Variants in CYP20A1 observed in about 807,000 individuals in gnomAD.
CYP20A1 encodes the protein cytochrome P450 family 20 subfamily A member 1.
Under a neutral mutation model 61.4 loss-of-function variants are expected in CYP20A1, and 61 were observed. That is an observed-to-expected ratio of 0.99 (90% CI 0.81 to 1.23). CYP20A1 has a LOEUF of 1.23. Ranked by LOEUF, CYP20A1 falls within the 50% of genes most tolerant of loss-of-function variation. The probability of loss-of-function intolerance (pLI) is 0.00; values close to 1 mark genes in which losing one functional copy is unlikely to be tolerated. For missense variants in CYP20A1, 530 were observed against 542.4 expected, an observed-to-expected ratio of 0.98 and a Z score of 0.23; for synonymous variants, 193 against 188.2, an observed-to-expected ratio of 1.03 and a Z score of -0.21.
At position 203,296,485 on chromosome 2, in the gene CYP20A1, A is replaced by T; in HGVS notation, c.1160A>T (p.Asp387Val). 1 of 1,610,972 alleles carries T rather than the reference A, an allele frequency of 6.2e-7. No homozygotes were observed. The highest frequency in any genetic ancestry group is 8.5e-7 in the Non-Finnish European group (1 of 1,178,256). ...AATTTTCTTTGTAGGTTTGATCCAG[A>T]TCGGTTTGATGATGAATTAGTAATG... is the stretch of plus-strand genomic sequence containing the variant. ...TWPSPHKFDPDRFDDELVMKT... is the reference protein window; with the variant it reads ...TWPSPHKFDPVRFDDELVMKT... Residue 387 changes from aspartate to valine, a missense_variant, in exon 12 of 13, where the codon GAT becomes GTT. Physicochemically the swap from Asp to Val is radical, Grantham distance 152. Transcript: ENST00000356079.
At chr2:203,275,349 G>GA (rs1447471976) in intron 6 of CYP20A1, among the ~76,000 whole-genome samples, 5 of 152,018 alleles carry the variant, frequency 3.3e-5, no homozygotes, top group Admixed American at 6.6e-5. Context: ...ACTGTTGTTT[G>GA]AAAAAACTTC....
rs562553997 is a variant in CYP20A1, at chr2:203,261,603, C to T, written c.433-4911C>T. Among the ~76,000 whole-genome samples, 76 of 37,952 alleles carry T rather than the reference C, an allele frequency of 2.0e-3. 1 individual carries two copies. The highest frequency in any genetic ancestry group is 5.6e-3 in the African/African-American group (74 of 13,258). 24.9% of individuals were successfully genotyped at this position (37,952 alleles called of 152,430 possible). Reference sequence around the variant, plus strand: ...CTGTAGCTCCTGGGCTCCTTTGTCACCTAAAAAAAAAAAAAAAAAAAAGGA... The same window carrying T: ...CTGTAGCTCCTGGGCTCCTTTGTCATCTAAAAAAAAAAAAAAAAAAAAGGA... On this transcript the variant is annotated intron_variant, in intron 4 of 12. Coordinates refer to ENST00000356079, the MANE Select transcript of CYP20A1 (RefSeq NM_177538.3).
chr2:203,305,874 A>G lies in CYP20A1; in HGVS notation c.*8966A>G, dbSNP rs774956687. ...TTTAAAAAAATTCAGAAGCCAAGCT[A>G]TCCATAAAGCTACTTTGTGATGTGC... On this transcript the variant is annotated 3_prime_UTR_variant, in exon 13 of 13. Coordinates refer to ENST00000356079, the MANE Select transcript of CYP20A1 (RefSeq NM_177538.3). Among the ~76,000 whole-genome samples the G allele has an allele frequency of 5.9e-5, 9 of 152,216 alleles. No homozygotes were observed. The highest frequency in any genetic ancestry group is 4.1e-4 in the South Asian group (2 of 4,834).
chr2:203,254,880 A>G (rs753571957), intron 4 of CYP20A1, among the ~76,000 whole-genome samples: 9 of 151,936 alleles, frequency 5.9e-5, no homozygotes, highest in Non-Finnish European at 1.2e-4. Flanking sequence ...AGTCCCAGCT[A>G]CTTAGGATGT....
chr2:203,292,108 T>A (rs748834756), intron 10 of CYP20A1, among the ~76,000 whole-genome samples, 154 bp from the exon 11 acceptor site: 2 of 152,224 alleles, frequency 1.3e-5, no homozygotes, highest in Non-Finnish European at 2.9e-5. Context: ...CATTGTAAGA[T>A]CACCAAAATA....
In CYP20A1 at chr2:203,278,579, T is replaced by C; in HGVS notation, c.686T>C (p.Met229Thr). 6.4e-7 allele frequency: 1 copy of C among 1,552,396 alleles called. No individual in the cohort carries two copies. The highest frequency in any genetic ancestry group is 8.7e-7 in the Non-Finnish European group (1 of 1,146,338). ...TTTTGTTTTTTTCTCTAAGCCCTCATGCAACTGGAGTCTGTTTTAAGGAAC... is the reference window on the plus strand; with the variant it reads ...TTTTGTTTTTTTCTCTAAGCCCTCACGCAACTGGAGTCTGTTTTAAGGAAC... ...TRKKQYEDAL[M>T]QLESVLRNII... Residue 229 changes from methionine to threonine, a missense_variant, in exon 7 of 13, where the codon ATG (methionine) becomes ACG (threonine). Coordinates refer to ENST00000356079, the MANE Select transcript of CYP20A1 (RefSeq NM_177538.3).
intron 7 of CYP20A1, 137 bp downstream of exon 7, chr2:203,278,825 G>A: frequency 1.9e-6 from 1 of 540,298 alleles, no homozygotes; most frequent in Non-Finnish European, 3.3e-6. Context: ...GGCCAACTTG[G>A]GCAATATAGC....
Position 203,301,195 on chromosome 2 carries a change from C to CA in CYP20A1, c.*4302dup, listed in dbSNP as rs71034235. ...TGGGCAAGAAGAGTGAAACTCTATC[C>CA]AAAAAAAAAAAAAAACCATACGTAC... On this transcript the variant is annotated 3_prime_UTR_variant, in exon 13 of 13. Transcript: ENST00000356079. 0.48 allele frequency among the ~76,000 whole-genome samples: 59,326 copies of CA among 122,812 alleles called. 14,621 individuals carry two copies. The highest frequency in any genetic ancestry group is 0.69 in the Middle Eastern group (170 of 246). The allele number at this position is 122,812 out of a possible 152,430, so 80.6% of individuals were successfully genotyped here.
At position 203,305,808 on chromosome 2, in the gene CYP20A1, G is replaced by C. The variant is rs1400555864; in HGVS notation, c.*8900G>C. On this transcript the variant is annotated 3_prime_UTR_variant, in exon 13 of 13. Transcript: ENST00000356079. ...ATGAAATCTTTATTGCCGGTGTTCT[G>C]TGCACATAGAATAAAGGAAATTATT... Among the ~76,000 whole-genome samples the C allele has an allele frequency of 1.3e-5, 2 of 152,018 alleles. No homozygotes were observed. The highest frequency in any genetic ancestry group is 4.8e-5 in the African/African-American group (2 of 41,404).
At chr2:203,254,304 T>C (rs1292478406) in intron 4 of CYP20A1, among the ~76,000 whole-genome samples, 1 of 152,172 alleles carries the variant, frequency 6.6e-6, no homozygotes, top group Non-Finnish European at 1.5e-5. Context: ...AATGCATATT[T>C]ATTTTTAAAT....
At chr2:203,252,217 C>A in intron 4 of CYP20A1, 108 bp downstream of exon 4, 3 of 792,584 alleles carry the variant, frequency 3.8e-6, no homozygotes, top group Non-Finnish European at 5.4e-6. Flanking sequence ...TCCTGTCCCT[C>A]TAAGCTAATT....
intron 3 of CYP20A1, among the ~76,000 whole-genome samples, chr2:203,250,638 T>C (rs1434139202): frequency 6.6e-6 from 1 of 152,204 alleles, no homozygotes; most frequent in Non-Finnish European, 1.5e-5. Context: ...TCTAGGCTAA[T>C]GTTGGAGAGT....
At chr2:203,272,596 A>G in intron 5 of CYP20A1, 74 bp from the exon 6 acceptor site, 2 of 506,960 alleles carry the variant, frequency 3.9e-6, no homozygotes, top group East Asian at 5.2e-5. Flanking sequence ...CTAAGTCATT[A>G]GGTTACATTG....
intron 5 of CYP20A1, among the ~76,000 whole-genome samples, chr2:203,269,409 A>G (rs1467659940): frequency 6.6e-6 from 1 of 151,406 alleles, no homozygotes; most frequent in African/African-American, 2.4e-5. Flanking sequence ...TCCAGCCTGG[A>G]TGATAGAGTG....
chr2:203,260,379 C>T (rs536425984), intron 4 of CYP20A1, among the ~76,000 whole-genome samples: 22 of 149,938 alleles, frequency 1.5e-4, no homozygotes, highest in African/African-American at 4.4e-4. Context: ...TGTGCCACGA[C>T]GCCCGGCTAA....
chr2:203,246,894 A>T lies in CYP20A1; in HGVS notation c.262A>T (p.Lys88Ter). Reference protein sequence around the residue: ...VVSLGTVDVLKQHINPNKTSD... With the variant: ...VVSLGTVDVL ...TAGTTTGGGCACTGTTGATGTACTG[A>T]AGCAGCATATCAATCCCAATAAGAC... The change falls in exon 3 of 13, where the codon AAG becomes TAG. Residue 88 changes from lysine to a stop codon, truncating the protein, a stop_gained. Transcript: ENST00000356079. LOFTEE classifies it high-confidence loss of function. The T allele has an allele frequency of 6.2e-7, 1 of 1,613,970 alleles. No individual in the cohort carries two copies.
intron 1 of CYP20A1, among the ~76,000 whole-genome samples, chr2:203,244,837 A>G (rs940266903): frequency 2.0e-5 from 3 of 147,638 alleles, no homozygotes; most frequent in Non-Finnish European, 3.0e-5. Context: ...GGTTCACGCC[A>G]TTCTCCTGCC....
intron 5 of CYP20A1, 69 bp downstream of exon 5, chr2:203,266,750 G>GTGCTGGGATTA: frequency 7.4e-7 from 1 of 1,350,332 alleles, no homozygotes; most frequent in Non-Finnish European, 1.1e-6. Context: ...TGTAATCCCA[G>GTGCTGGGATTA]CACTTTGGGA....
At position 203,297,550 on chromosome 2, in the gene CYP20A1, C is replaced by G. The variant is rs1170674527; in HGVS notation, c.*642C>G. ...TGAAACCCTGTCTCTACTAAAAATA[C>G]AAAAAAATTGGCTGGGTGTGGTGGC... On this transcript the variant is annotated 3_prime_UTR_variant, in exon 13 of 13. Coordinates refer to ENST00000356079, the MANE Select transcript of CYP20A1 (RefSeq NM_177538.3). The G allele has an allele frequency of 1.4e-5, 2 of 146,918 alleles. No homozygotes were observed. The highest frequency in any genetic ancestry group is 3.0e-5 in the Non-Finnish European group (2 of 66,980). 9.1% of individuals were successfully genotyped at this position (146,918 alleles called of 1,614,324 possible). A position where few individuals can be genotyped will look rare whatever the true frequency, so the allele number is the denominator to read the frequency against.
Sources: allele counts gnomAD v4.1 joint callset (sites outside exome capture counted in the v4.1 genomes callset), GRCh38; gene constraint gnomAD v4.1.1; transcripts MANE v1.5; gene names NCBI Gene and HGNC (gene_info 2026-07-23, HGNC 2026-07-21).